CACNB2: variants seen among roughly 807,000 people sequenced by gnomAD.
CACNB2 encodes the protein calcium voltage-gated channel auxiliary subunit beta 2.
CACNB2 carries 42 observed loss-of-function variants against 73.3 expected under a neutral mutation model. The observed-to-expected ratio is 0.57, with a 90% CI of 0.45 to 0.74. CACNB2 has a LOEUF of 0.74. Among genes scored for constraint, CACNB2 ranks in the 30% least tolerant of loss-of-function variants. The pLI, the probability that CACNB2 is intolerant of heterozygous loss-of-function variation, is 0.00. For synonymous variants in CACNB2, 348 were observed against 310.3 expected (o/e 1.12, Z -1.28); for missense variants, 940 against 853.0 (o/e 1.10, Z -1.27).
At chr10:18,285,900 T>A (rs28756165) in intron 2 of CACNB2, among the ~76,000 whole-genome samples, 41,499 of 152,084 alleles carry the variant, frequency 0.27, 5,819 homozygotes, top group African/African-American at 0.32. Flanking sequence ...TTGTCAACCC[T>A]TTTGTAGTCT....
intron 1 of CACNB2, chr10:18,141,264 C>T (rs571955824): frequency 1.3e-5 from 18 of 1,399,976 alleles, no homozygotes; most frequent in Non-Finnish European, 1.7e-5. Flanking sequence ...GCGCTTTCTA[C>T]GATGCCGACT....
chr10:18,357,164 C>T (rs1396465494), intron 2 of CACNB2, among the ~76,000 whole-genome samples: 1 of 149,204 alleles, frequency 6.7e-6, no homozygotes, highest in African/African-American at 2.5e-5. Context: ...AGGATGGTCT[C>T]GATCTCCTGA....
At chr10:18,319,781 A>T (rs768728690) in intron 2 of CACNB2, among the ~76,000 whole-genome samples, 1 of 152,164 alleles carries the variant, frequency 6.6e-6, no homozygotes, top group Non-Finnish European at 1.5e-5. Context: ...AGGACTCTCT[A>T]ATGAGGTGAC....
intron 2 of CACNB2, among the ~76,000 whole-genome samples, chr10:18,338,992 G>A (rs984217477): frequency 7.9e-5 from 12 of 151,668 alleles, no homozygotes; most frequent in South Asian, 4.2e-4. Context: ...CTCCCACCTC[G>A]GCTTCCCAAA....
chr10:18,485,914 AT>A (rs11317567), intron 3 of CACNB2, among the ~76,000 whole-genome samples: 72,526 of 138,368 alleles, frequency 0.52, 18,455 homozygotes, highest in East Asian at 0.71. Context: ...GATCTGGGTC[AT>A]TTTTTTTTTT....
intron 2 of CACNB2, among the ~76,000 whole-genome samples, chr10:18,281,125 A>T (rs548311040): frequency 6.6e-6 from 1 of 152,192 alleles, no homozygotes; most frequent in Admixed American, 6.5e-5. Context: ...ATTTGAGTCT[A>T]TCTGATTGTT....
intron 2 of CACNB2, among the ~76,000 whole-genome samples, chr10:18,394,363 C>T (rs891541632): frequency 6.6e-6 from 1 of 152,144 alleles, no homozygotes; most frequent in Non-Finnish European, 1.5e-5. Context: ...CCTTTATGAT[C>T]GTTAGAAATG....
chr10:18,215,221 C>G (rs778365261), intron 2 of CACNB2, among the ~76,000 whole-genome samples: 1 of 152,106 alleles, frequency 6.6e-6, no homozygotes, highest in African/African-American at 2.4e-5. Context: ...CACAAGTAGC[C>G]TACAAACTCA....
chr10:18,388,938 C>T (rs955837031), intron 2 of CACNB2, among the ~76,000 whole-genome samples: 8 of 152,176 alleles, frequency 5.3e-5, no homozygotes, highest in African/African-American at 1.4e-4. Context: ...CAAACAACTA[C>T]GAAGGTGAAT....
chr10:18,481,498 C>T (rs911606574), intron 3 of CACNB2, among the ~76,000 whole-genome samples: 5 of 151,380 alleles, frequency 3.3e-5, no homozygotes, highest in South Asian at 2.1e-4. Flanking sequence ...ATGCCCGCCT[C>T]GGCATCCCAA....
intron 6 of CACNB2, chr10:18,513,541 A>G: frequency 2.5e-6 from 1 of 398,866 alleles, no homozygotes; most frequent in Non-Finnish European, 5.0e-6. Context: ...GTTCATTAGC[A>G]GTTCCTGGGC....
intron 2 of CACNB2, among the ~76,000 whole-genome samples, chr10:18,357,343 C>A (rs80119850): frequency 3.3e-5 from 5 of 152,190 alleles, no homozygotes; most frequent in Admixed American, 2.0e-4. Flanking sequence ...TTTTAAAAAC[C>A]ATTTGGGTCA....
chr10:18,272,678 G>T (rs1208452755), intron 2 of CACNB2, among the ~76,000 whole-genome samples: 1 of 152,168 alleles, frequency 6.6e-6, no homozygotes, highest in Non-Finnish European at 1.5e-5. Flanking sequence ...TTTTATAAAG[G>T]GGAGTTCCCC....
chr10:18,464,502 C>G (rs1240342872), intron 3 of CACNB2, among the ~76,000 whole-genome samples: 3 of 150,578 alleles, frequency 2.0e-5, no homozygotes, highest in Non-Finnish European at 3.0e-5. Context: ...CCAAGCTTCC[C>G]CACTTGTATA....
At chr10:18,514,124 C>A in intron 6 of CACNB2, 112 bp from the exon 7 acceptor site, 1 of 1,064,102 alleles carries the variant, frequency 9.4e-7, no homozygotes, top group Non-Finnish European at 1.4e-6. Context: ...CTGTGTTGAG[C>A]ACTCATGATA....
chr10:18,362,126 A>G (rs1000430391), intron 2 of CACNB2, among the ~76,000 whole-genome samples: 2 of 152,208 alleles, frequency 1.3e-5, no homozygotes, highest in Non-Finnish European at 2.9e-5. Flanking sequence ...TTTAACAATT[A>G]ACACTCAGTT....
chr10:18,190,506 C>T (rs2034348922), intron 2 of CACNB2, among the ~76,000 whole-genome samples: 1 of 152,080 alleles, frequency 6.6e-6, no homozygotes, highest in Non-Finnish European at 1.5e-5. Flanking sequence ...ATTGAATGCT[C>T]ATAGCATGCT....
At chr10:18,423,825 G>A (rs2045454263) in intron 3 of CACNB2, among the ~76,000 whole-genome samples, 1 of 152,084 alleles carries the variant, frequency 6.6e-6, no homozygotes, top group Non-Finnish European at 1.5e-5. Flanking sequence ...GCAATGACAT[G>A]ACCTCATGAT....
At chr10:18,375,836 G>A (rs2042776349) in intron 2 of CACNB2, among the ~76,000 whole-genome samples, 1 of 152,144 alleles carries the variant, frequency 6.6e-6, no homozygotes, top group Non-Finnish European at 1.5e-5. Flanking sequence ...CTTTGACATA[G>A]ATTTGGACAA....
Sources: allele counts gnomAD v4.1 joint callset (sites outside exome capture counted in the v4.1 genomes callset), GRCh38; gene constraint gnomAD v4.1.1; transcripts MANE v1.5; gene names NCBI Gene and HGNC (gene_info 2026-07-23, HGNC 2026-07-21).